The following COL21A1 variants were observed in gnomAD, a reference collection of about 807,000 sequenced individuals.
COL21A1 encodes collagen alpha-1(XXI) chain.
In COL21A1, 149 loss-of-function variants were observed where a neutral mutation model predicts 137.9. The ratio of observed to expected loss-of-function variants is 1.08; its 90% confidence interval spans 0.95 to 1.24. COL21A1 has a LOEUF of 1.24. Among genes scored for constraint, COL21A1 ranks in the 50% most tolerant of loss-of-function variants. COL21A1 has a pLI of 0.00. For synonymous variants in COL21A1, 456 were observed against 391.5 expected, an observed-to-expected ratio of 1.16 and a Z score of -1.95; for missense variants, 1,167 against 1,158.4, an observed-to-expected ratio of 1.01 and a Z score of -0.11.
Position 56,368,478 on chromosome 6 carries a change from C to T in COL21A1, c.-39+25493G>A, listed in dbSNP as rs553697449. 5.3e-5 allele frequency among the ~76,000 whole-genome samples: 8 copies of T among 152,308 alleles called. No homozygotes were observed. The East Asian group carries it at 1.5e-3, about 29-fold the overall frequency. On this transcript the variant is annotated intron_variant, in intron 1 of 28. Coordinates refer to the COL21A1 transcript ENST00000370819. ...GAGGAAAAAATTCAATGTGAAATGG[C>T]TTGATTTGTCTACAGTTAGAAGAAA...
chr6:56,329,671 T>A (rs9396204), intron 1 of COL21A1, among the ~76,000 whole-genome samples: 67,533 of 151,842 alleles, frequency 0.44, 16,554 homozygotes, highest in East Asian at 0.8. Flanking sequence ...GGTCACAGGT[T>A]TAAATAAGGC....
At chr6:56,206,398 C>A (rs1233603310) in intron 1 of COL21A1, among the ~76,000 whole-genome samples, 1 of 150,906 alleles carries the variant, frequency 6.6e-6, no homozygotes, top group Non-Finnish European at 1.5e-5. Context: ...CAAAGAAGGG[C>A]ATTACATAAT....
chr6:56,233,703 A>G (rs1562010426), intron 1 of COL21A1, among the ~76,000 whole-genome samples: 1 of 151,634 alleles, frequency 6.6e-6, no homozygotes, highest in Non-Finnish European at 1.5e-5. Context: ...TGATTCTTCA[A>G]ACTGAAAAAG....
chr6:56,367,708 T>C (rs1766132813), intron 1 of COL21A1, among the ~76,000 whole-genome samples: 1 of 152,174 alleles, frequency 6.6e-6, no homozygotes, highest in South Asian at 2.1e-4. Flanking sequence ...TAGTTTTCTA[T>C]TACTTGGAAC....
intron 1 of COL21A1, among the ~76,000 whole-genome samples, chr6:56,363,258 A>T (rs1038671762): frequency 1.3e-5 from 2 of 152,252 alleles, no homozygotes; most frequent in African/African-American, 2.4e-5. Context: ...CAGCAGAAGC[A>T]GCAGGTCATA....
intron 17 of COL21A1, among the ~76,000 whole-genome samples, chr6:56,093,634 T>C (rs1435636245): frequency 1.3e-5 from 2 of 152,158 alleles, no homozygotes; most frequent in African/African-American, 4.8e-5. Context: ...GGAACCACTA[T>C]TCTTTTTTAC....
chr6:56,251,522 G>A, upstream of COL21A1, among the ~76,000 whole-genome samples: 1 of 152,186 alleles, frequency 6.6e-6, no homozygotes, highest in East Asian at 1.9e-4. Context: ...CTTTTGGGAT[G>A]TAGCTATGAG....
intron 17 of COL21A1, among the ~76,000 whole-genome samples, chr6:56,085,194 T>G (rs1768122546): frequency 6.6e-6 from 1 of 152,072 alleles, no homozygotes; most frequent in Non-Finnish European, 1.5e-5. Flanking sequence ...TACATAAAAT[T>G]TTTTAAATCT....
In COL21A1 at chr6:56,097,563, A is replaced by G. The variant is rs142021104; in HGVS notation, c.1812+3909T>C. Among the ~76,000 whole-genome samples the G allele has an allele frequency of 3.3e-5, 5 of 151,154 alleles. No individual in the cohort carries two copies. In the East Asian group the frequency reaches 7.8e-4, roughly 24 times the overall value. Reference sequence around the variant, plus strand: ...GAAAAGAAGGAAATGGTTAAAATCTAAAGGGCCACACTCCCTGGAATGGTA... The same window carrying G: ...GAAAAGAAGGAAATGGTTAAAATCTGAAGGGCCACACTCCCTGGAATGGTA... On this transcript the variant is annotated intron_variant, in intron 17 of 29. Transcript: ENST00000244728.
chr6:56,248,051 A>G (rs1350541519), upstream of COL21A1, among the ~76,000 whole-genome samples: 2 of 152,188 alleles, frequency 1.3e-5, no homozygotes, highest in Non-Finnish European at 2.9e-5. Flanking sequence ...TCAAATAGTC[A>G]AGTAGGCAGT....
At chr6:56,322,630 T>C (rs1408421692) in intron 1 of COL21A1, among the ~76,000 whole-genome samples, 3 of 152,136 alleles carry the variant, frequency 2.0e-5, no homozygotes, top group Admixed American at 1.3e-4. Context: ...TACACTACTA[T>C]TCCCAGGTGT....
At chr6:56,141,656 T>G in intron 12 of COL21A1, 129 bp downstream of exon 12, 1 of 929,234 alleles carries the variant, frequency 1.1e-6, no homozygotes, top group East Asian at 2.5e-5. Context: ...TAATAGCCAC[T>G]GACAAATTTC....
chr6:56,240,019 G>A (rs1582713882), intron 1 of COL21A1, among the ~76,000 whole-genome samples: 1 of 152,232 alleles, frequency 6.6e-6, no homozygotes, highest in Admixed American at 6.5e-5. Flanking sequence ...ATAAGTCTCA[G>A]GAATCTGATG....
chr6:56,224,700 T>C (rs1781080597), intron 1 of COL21A1, among the ~76,000 whole-genome samples: 3 of 152,086 alleles, frequency 2.0e-5, no homozygotes, highest in South Asian at 4.1e-4. Context: ...GTTCTTTCTC[T>C]GATATTTCCC....
chr6:56,091,369 C>T (rs569399944), intron 17 of COL21A1: 8 of 152,656 alleles, frequency 5.2e-5, no homozygotes, highest in African/African-American at 1.9e-4. Context: ...ACAATAAAAG[C>T]CTCTATGAGC....
intron 16 of COL21A1, among the ~76,000 whole-genome samples, chr6:56,117,449 G>C (rs1772041301): frequency 6.6e-6 from 1 of 151,960 alleles, no homozygotes; most frequent in Non-Finnish European, 1.5e-5. Context: ...AATATTATTA[G>C]AGCTAAAGAG....
chr6:56,277,562 CTAAA>C (rs1174242647), intron 1 of COL21A1, among the ~76,000 whole-genome samples: 1 of 152,160 alleles, frequency 6.6e-6, no homozygotes, highest in Non-Finnish European at 1.5e-5. Flanking sequence ...ACCAAATACA[CTAAA>C]TAGTCATTCC....
upstream of COL21A1, among the ~76,000 whole-genome samples, chr6:56,250,476 C>A (rs1479163347): frequency 1.3e-5 from 2 of 152,146 alleles, no homozygotes; most frequent in Non-Finnish European, 2.9e-5. Flanking sequence ...ATCTGAGAAC[C>A]ATCCCAGGCT....
At chr6:56,275,064 C>A (rs2152333000) in intron 1 of COL21A1, among the ~76,000 whole-genome samples, 1 of 152,208 alleles carries the variant, frequency 6.6e-6, no homozygotes, top group South Asian at 2.1e-4. Context: ...AAGTCCCACA[C>A]TGCAACCATC....
Sources: allele counts gnomAD v4.1 joint callset (sites outside exome capture counted in the v4.1 genomes callset), GRCh38; gene constraint gnomAD v4.1.1; transcripts MANE v1.5; gene names NCBI Gene and HGNC (gene_info 2026-07-23, HGNC 2026-07-21).